Variants in MAP2K2 observed in about 807,000 individuals in gnomAD.
The protein encoded by MAP2K2 is dual specificity mitogen-activated protein kinase kinase 2.
A neutral mutation model predicts 43.7 loss-of-function variants in MAP2K2; 24 were observed. The ratio of observed to expected loss-of-function variants is 0.55; its 90% CI spans 0.40 to 0.77. The LOEUF (loss-of-function observed/expected upper bound fraction) is 0.77, where lower values mean the gene tolerates loss of function less well. Among genes scored for constraint, MAP2K2 ranks in the 30% least tolerant of loss-of-function variants. The probability of loss-of-function intolerance (pLI) is 0.00; values close to 1 mark genes in which losing one functional copy is unlikely to be tolerated. For missense variants in MAP2K2, 470 were observed against 566.8 expected, an observed-to-expected ratio of 0.83 and a Z score of 1.73; for synonymous variants, 244 against 239.7, an observed-to-expected ratio of 1.02 and a Z score of -0.17.
rs554723829 is a variant in MAP2K2 at position 4,109,969 on chromosome 19, G to T, written c.450+540C>A. ...CATAAGGACGCCCGGGATACAGCAAGAGAAAAAGCAAAGCTGGGAGGAAGA... is the reference window on the plus strand; with the variant it reads ...CATAAGGACGCCCGGGATACAGCAATAGAAAAAGCAAAGCTGGGAGGAAGA... On this transcript the variant is annotated intron_variant, in intron 3 of 10. Transcript: ENST00000262948. Among the ~76,000 whole-genome samples, 7 of 152,194 alleles carry T rather than the reference G, an allele frequency of 4.6e-5. No individual in the cohort carries two copies. In the South Asian group the frequency reaches 1.5e-3, roughly 32 times the overall value.
chr19:4,095,162 C>A (rs1280095571), intron 9 of MAP2K2: 2 of 542,866 alleles, frequency 3.7e-6, no homozygotes, highest in Non-Finnish European at 6.7e-6. Context: ...ACAGGGCCTG[C>A]AATCCTGCTT....
Position 4,101,212 on chromosome 19 carries a change from G to A in MAP2K2, c.580+17C>T, listed in dbSNP as rs780055289. 1.3e-6 allele frequency: 2 copies of A among 1,591,234 alleles called. No homozygotes were observed. The highest frequency in any genetic ancestry group is 1.7e-6 in the Non-Finnish European group (2 of 1,169,654). On this transcript the variant is annotated intron_variant, in intron 5 of 10. Transcript: ENST00000262948. The surrounding 1 kb of genome is among the most constrained non-coding windows in gnomAD (Gnocchi z 6.3). ...TGCCGGCCCCCGGGGCTCTGGGGAG[G>A]GCGGGCTGGGCCTTACCTCGGTGCA...
intron 7 of MAP2K2, among the ~76,000 whole-genome samples, chr19:4,098,028 C>T (rs575557061): frequency 1.3e-5 from 2 of 152,278 alleles, no homozygotes; most frequent in African/African-American, 4.8e-5. Flanking sequence ...CTTGCCAGTG[C>T]TATGAAAATC....
chr19:4,101,309 G>A lies in MAP2K2; in HGVS notation c.529-29C>T. 2.6e-6 allele frequency: 4 copies of A among 1,565,090 alleles called. No homozygotes were observed. Among genetic ancestry groups the A allele is most frequent in the Non-Finnish European group, 2.6e-6 (3 of 1,155,144 alleles). On this transcript the variant is annotated intron_variant, in intron 4 of 10. Transcript: ENST00000262948. The surrounding 1 kb of genome is among the most constrained non-coding windows in gnomAD (Gnocchi z 6.3). Reference sequence around the variant, plus strand: ...CAGGGGAGCGCGGAGGGAGTCACGGGACAAGGCCACCAGGGCTTAGCTCCT... The same window carrying A: ...CAGGGGAGCGCGGAGGGAGTCACGGAACAAGGCCACCAGGGCTTAGCTCCT...
intron 2 of MAP2K2, among the ~76,000 whole-genome samples, chr19:4,114,159 C>T (rs965999961): frequency 6.6e-6 from 1 of 152,116 alleles, no homozygotes; most frequent in Non-Finnish European, 1.5e-5. Flanking sequence ...AGGCTGGGAG[C>T]GGTGGCCAGC....
At chr19:4,108,183 T>C (rs912742691) in intron 3 of MAP2K2, among the ~76,000 whole-genome samples, 2 of 152,186 alleles carry the variant, frequency 1.3e-5, no homozygotes, top group Non-Finnish European at 2.9e-5. Context: ...CTTCCACGGA[T>C]GCTGCCCTGT....
Position 4,101,113 on chromosome 19 carries a change from G to C in MAP2K2, c.611C>G (p.Ser204Cys), listed in dbSNP as rs775668076. 1.7e-5 allele frequency: 27 copies of C among 1,607,426 alleles called. No individual in the cohort carries two copies. The highest frequency in any genetic ancestry group is 1.7e-4 in the Middle Eastern group (1 of 6,056). ...GTCACACAGCTTGATCTCCCCTCTA[G>C]AGTTCACGAGGATGTTGGAGGGCTT... ...DVKPSNILVN[S>C]RGEIKLCDFG... The change falls in exon 6 of 11, where the codon TCT becomes TGT. Residue 204 changes from serine to cysteine, a missense_variant. Ser to Cys is a moderately radical substitution (Grantham distance 112). Around this residue, in one of 3 missense-constraint regions of MAP2K2, gnomAD observed 200 missense variants for 297.9 expected, o/e 0.67. Transcript: ENST00000262948. This position sits in a 1 kb window ranked among gnomAD's most constrained non-coding sequence, Gnocchi z 6.3.
intron 2 of MAP2K2, among the ~76,000 whole-genome samples, chr19:4,114,333 C>T (rs997448933): frequency 1.3e-5 from 2 of 152,164 alleles, no homozygotes; most frequent in African/African-American, 4.8e-5. Flanking sequence ...TGAGAACACG[C>T]GTCAAAGGTG....
intron 3 of MAP2K2, among the ~76,000 whole-genome samples, chr19:4,105,155 C>CGTGTGTGTGTGTGTGTGTGTGT (rs61710801): frequency 2.2e-5 from 3 of 137,756 alleles, no homozygotes; most frequent in African/African-American, 8.8e-5. Flanking sequence ...ACACGTCTAC[C>CGTGTGTGTGTGTGTGTGTGTGT]GTGTGTGTGT....
intron 6 of MAP2K2, 55 bp from the exon 7 acceptor site, chr19:4,099,469 C>G: frequency 6.9e-7 from 1 of 1,443,358 alleles, no homozygotes; most frequent in Non-Finnish European, 9.5e-7. Flanking sequence ...GCAGCTGGAA[C>G]CCGGGAGGCT....
At chr19:4,110,177 G>A (rs1320930740) in intron 3 of MAP2K2, among the ~76,000 whole-genome samples, 3 of 151,914 alleles carry the variant, frequency 2.0e-5, no homozygotes, top group Admixed American at 6.6e-5. Flanking sequence ...GGTGGCGGGC[G>A]CCTGTAATCC....
chr19:4,098,763 G>A (rs1402378664), intron 7 of MAP2K2, among the ~76,000 whole-genome samples: 3 of 152,224 alleles, frequency 2.0e-5, no homozygotes, highest in Non-Finnish European at 4.4e-5. Context: ...GGCCACTGAG[G>A]GCCATGCCAA....
At chr19:4,097,394 C>T in intron 7 of MAP2K2, 51 bp from the exon 8 acceptor site, 2 of 1,448,720 alleles carry the variant, frequency 1.4e-6, no homozygotes, top group Non-Finnish European at 1.9e-6. Context: ...CACCTCACTT[C>T]TGCTGGGGGT....
chr19:4,093,423 G>A (rs965257083), intron 10 of MAP2K2, among the ~76,000 whole-genome samples: 3 of 151,946 alleles, frequency 2.0e-5, no homozygotes, highest in African/African-American at 7.3e-5. Flanking sequence ...AGGTGCGGTG[G>A]CTCACATCTG....
intron 10 of MAP2K2, among the ~76,000 whole-genome samples, chr19:4,093,466 G>A (rs1018447605): frequency 3.3e-5 from 5 of 151,192 alleles, no homozygotes; most frequent in Non-Finnish European, 5.9e-5. Flanking sequence ...TGAGGCAGGT[G>A]GATCACCTGA....
intron 10 of MAP2K2, among the ~76,000 whole-genome samples, chr19:4,094,174 G>A (rs2040881834): frequency 1.3e-5 from 2 of 152,160 alleles, no homozygotes; most frequent in Admixed American, 1.3e-4. Context: ...TCATCCTGTG[G>A]GTGCGGGACC....
intron 3 of MAP2K2, among the ~76,000 whole-genome samples, chr19:4,108,207 A>G (rs775246992): frequency 7.2e-5 from 11 of 152,142 alleles, no homozygotes; most frequent in South Asian, 6.2e-4. Flanking sequence ...GGCTCACCCA[A>G]TGCTTTAAAA....
intron 10 of MAP2K2, among the ~76,000 whole-genome samples, chr19:4,091,571 T>C (rs2040855494): frequency 6.6e-6 from 1 of 152,122 alleles, no homozygotes. Flanking sequence ...CAGGTTGGTC[T>C]CGAACTCCTG....
At chr19:4,103,185 G>A (rs569374015) in intron 3 of MAP2K2, 37 of 989,586 alleles carry the variant, frequency 3.7e-5, no homozygotes, top group East Asian at 1.1e-4. Flanking sequence ...TGGTCTCCTC[G>A]CCACTGTGCC....
Sources: gnomAD v4.1 joint callset for allele counts (sites outside exome capture counted in the v4.1 genomes callset) on GRCh38, gnomAD v4.1.1 for gene constraint, gnomAD v4.1.1 regional missense constraint, Gnocchi (gnomAD v3.1) non-coding constraint, MANE v1.5 for transcripts, NCBI Gene and HGNC (gene_info 2026-07-23, HGNC 2026-07-21) for gene names.